Variants in TMPRSS15 observed in about 807,000 individuals in gnomAD.
TMPRSS15 encodes the protein transmembrane serine protease 15, also known as enteropeptidase.
TMPRSS15 carries 128 observed loss-of-function variants against 125.3 expected under a neutral mutation model. The observed-to-expected ratio is 1.02, with a 90% confidence interval of 0.89 to 1.18. The LOEUF (loss-of-function observed/expected upper bound fraction) is 1.18, where lower values mean the gene tolerates loss of function less well. TMPRSS15 is among the 50% of genes most tolerant of loss of function. TMPRSS15 has a pLI of 0.00. For synonymous variants in TMPRSS15, 446 were observed against 423.2 expected, an observed-to-expected ratio of 1.05 and a Z score of -0.66; for missense variants, 1,283 against 1,212.7, an observed-to-expected ratio of 1.06 and a Z score of -0.86.
Position 18,353,772 on chromosome 21 carries a change from A to G in TMPRSS15, c.972T>C (p.Tyr324=), listed in dbSNP as rs1258111272. The G allele has an allele frequency of 1.2e-6, 2 of 1,611,882 alleles. No individual in the cohort carries two copies. The highest frequency in any genetic ancestry group is 2.2e-5 in the East Asian group (1 of 44,694). ...TFLIESDESD[Y]VGFNATYTAF... The stretch of plus-strand genomic sequence containing the variant: ...CAGTATATGTTGCATTAAAGCCAAC[A>G]TAATCACTTTCATCAGATTCTATAA... Residue 324 remains tyrosine, a synonymous_variant, in exon 9 of 25, where the codon TAT becomes TAC. Transcript: ENST00000284885.
chr21:18,436,069 T>G (rs1052343818), intron 1 of TMPRSS15, among the ~76,000 whole-genome samples: 1 of 151,282 alleles, frequency 6.6e-6, no homozygotes, highest in African/African-American at 2.4e-5. Context: ...TTGTTGATCC[T>G]TTCAAAAAAC....
chr21:18,287,063 C>T (rs1200140793), intron 21 of TMPRSS15, among the ~76,000 whole-genome samples: 1 of 152,186 alleles, frequency 6.6e-6, no homozygotes, highest in East Asian at 1.9e-4. Flanking sequence ...ATTTTCTGTT[C>T]ATACTACTTT....
chr21:18,352,940 A>G lies in TMPRSS15; in HGVS notation c.1134T>C (p.Thr378=). 11 of 1,612,492 alleles carry G rather than the reference A, an allele frequency of 6.8e-6. No homozygotes were observed. Among genetic ancestry groups the G allele is most frequent in the Non-Finnish European group, 9.3e-6 (11 of 1,178,894 alleles). The part of the protein sequence containing the change: ...RIQGSTFSPF[T]GPNFDHTFGN... ...CAAAAGTGTGGTCAAAATTGGGTCC[A>G]GTAAAAGGAGAAAAGGTGCTTCCCT... is the stretch of plus-strand genomic sequence containing the variant. The change falls in exon 10 of 25, where the codon ACT becomes ACC. Residue 378 remains threonine, a synonymous_variant. Coordinates refer to ENST00000284885, the MANE Select transcript of TMPRSS15 (RefSeq NM_002772.3).
chr21:18,360,973 T>C (rs768281890), intron 7 of TMPRSS15, among the ~76,000 whole-genome samples: 19 of 152,134 alleles, frequency 1.2e-4, no homozygotes, highest in Non-Finnish European at 2.8e-4. Context: ...CATACTTAAA[T>C]GTCTTTCCTA....
chr21:18,365,081 C>T lies in TMPRSS15; in HGVS notation c.773+59G>A, dbSNP rs112012496. The T allele has an allele frequency of 2.6e-4, 350 of 1,354,010 alleles. 2 individuals carry two copies. The African/African-American group carries it at 3.8e-3, about 15-fold the overall frequency. The allele number at this position is 1,354,010 out of a possible 1,614,324, so 83.9% of individuals were successfully genotyped here. A position where few individuals can be genotyped will look rare whatever the true frequency, so the allele number is the denominator to read the frequency against. On this transcript the variant is annotated intron_variant, in intron 7 of 24. Transcript: ENST00000284885. ...TAAAAAACTACTGAAAGCAATAAGA[C>T]GTTGCATCAGAAAAACGCTTTATGA...
chr21:18,410,257 A>C (rs2076162688), intron 1 of TMPRSS15, among the ~76,000 whole-genome samples: 2 of 151,776 alleles, frequency 1.3e-5, no homozygotes, highest in Non-Finnish European at 2.9e-5. Context: ...ATCCTGTACA[A>C]AGGTTCCTTT....
chr21:18,374,646 A>G (rs1042173069), intron 5 of TMPRSS15, among the ~76,000 whole-genome samples: 43 of 152,206 alleles, frequency 2.8e-4, no homozygotes, highest in African/African-American at 1.0e-3. Flanking sequence ...ATACTTTTCA[A>G]TAGGTGATGG....
intron 18 of TMPRSS15, among the ~76,000 whole-genome samples, chr21:18,303,802 T>C (rs751942497): frequency 3.9e-5 from 6 of 152,216 alleles, no homozygotes; most frequent in Non-Finnish European, 8.8e-5. Context: ...ATATTCTTAG[T>C]AATTTCCTGA....
At chr21:18,426,129 C>A (rs960662401) in intron 1 of TMPRSS15, among the ~76,000 whole-genome samples, 12 of 152,048 alleles carry the variant, frequency 7.9e-5, no homozygotes, top group Admixed American at 7.2e-4. Flanking sequence ...ATTTTACGAA[C>A]CCTTATTTAG....
At chr21:18,337,971 G>T in intron 13 of TMPRSS15, among the ~76,000 whole-genome samples, 1 of 152,082 alleles carries the variant, frequency 6.6e-6, no homozygotes. Flanking sequence ...TAGACTCCGG[G>T]CAGATTCTAA....
At chr21:18,422,878 A>G (rs1356020137) in intron 1 of TMPRSS15, among the ~76,000 whole-genome samples, 1 of 152,214 alleles carries the variant, frequency 6.6e-6, no homozygotes, top group African/African-American at 2.4e-5. Flanking sequence ...GATGGGAAAT[A>G]GCAGTCAGGA....
intron 17 of TMPRSS15, among the ~76,000 whole-genome samples, chr21:18,314,091 G>T (rs1203362899): frequency 1.3e-5 from 2 of 150,172 alleles, no homozygotes; most frequent in East Asian, 2.0e-4. Flanking sequence ...ACACTATGTT[G>T]TAATTCTATA....
intron 18 of TMPRSS15, among the ~76,000 whole-genome samples, chr21:18,299,924 T>A (rs190941185): frequency 6.6e-6 from 1 of 152,296 alleles, no homozygotes; most frequent in Non-Finnish European, 1.5e-5. Flanking sequence ...CAGGAAATCA[T>A]GTTATAGCCA....
At chr21:18,391,576 C>G (rs1181086273) in intron 3 of TMPRSS15, among the ~76,000 whole-genome samples, 1 of 152,212 alleles carries the variant, frequency 6.6e-6, no homozygotes, top group Non-Finnish European at 1.5e-5. Flanking sequence ...TTGAAGCATA[C>G]AGCTCCCCTA....
At chr21:18,273,287 A>C (rs2074581922) in intron 24 of TMPRSS15, among the ~76,000 whole-genome samples, 1 of 152,240 alleles carries the variant, frequency 6.6e-6, no homozygotes, top group South Asian at 2.1e-4. Context: ...AAGGCTAAAA[A>C]ATGATGCTTC....
chr21:18,424,953 AT>A (rs2076199582), intron 1 of TMPRSS15, among the ~76,000 whole-genome samples: 1 of 149,130 alleles, frequency 6.7e-6, no homozygotes, highest in African/African-American at 2.4e-5. Context: ...ACATGTGTGA[AT>A]TCATATGTAT....
rs745615256 is a variant in TMPRSS15, at chr21:18,383,759, C to A, written c.364G>T (p.Val122Leu). Residue 122 changes from valine (V) to leucine (L), a missense_variant, in exon 4 of 25, where the codon GTA (valine) becomes TTA (leucine). By Grantham distance (32) the Val-to-Leu change is conservative (BLOSUM62 1). Coordinates refer to ENST00000284885, the MANE Select transcript of TMPRSS15 (RefSeq NM_002772.3). Reference sequence around the variant, plus strand: ...CACTGGGCAAAGAAAAGGTCAAATACGACTATAATGCTGCCATTTCTGCAA... The same window carrying A: ...CACTGGGCAAAGAAAAGGTCAAATAAGACTATAATGCTGCCATTTCTGCAA... The part of the protein sequence containing the change: ...LQFENGSIIV[V>L]FDLFFAQWVS... The A allele has an allele frequency of 6.2e-7, 1 of 1,613,334 alleles. No homozygotes were observed. Among genetic ancestry groups the A allele is most frequent in the Non-Finnish European group, 8.5e-7 (1 of 1,179,718 alleles).
chr21:18,485,169 A>T (rs1979055597), intron 1 of TMPRSS15, among the ~76,000 whole-genome samples: 1 of 151,906 alleles, frequency 6.6e-6, no homozygotes, highest in South Asian at 2.1e-4. Context: ...TGTAATTGGT[A>T]AACAAAATGA....
chr21:18,323,581 A>G (rs1041945952), intron 16 of TMPRSS15, among the ~76,000 whole-genome samples: 3 of 152,148 alleles, frequency 2.0e-5, no homozygotes, highest in Non-Finnish European at 4.4e-5. Context: ...CAAATCACCT[A>G]TAATTATTTC....
Sources: allele counts gnomAD v4.1 joint callset (sites outside exome capture counted in the v4.1 genomes callset), GRCh38; gene constraint gnomAD v4.1.1; transcripts MANE v1.5; gene names NCBI Gene and HGNC (gene_info 2026-07-23, HGNC 2026-07-21).